RFX8: variants seen among roughly 807,000 people sequenced by gnomAD.
RFX8 encodes the protein regulatory factor X8, also known as DNA-binding protein RFX8.
In RFX8, 46 loss-of-function variants were observed where a neutral mutation model predicts 54.6. The ratio of observed to expected loss-of-function variants is 0.84; its 90% CI spans 0.67 to 1.08. The LOEUF is 1.08. Ranked by LOEUF, RFX8 falls within the 50% of genes least tolerant of loss-of-function variation. RFX8 has a pLI of 0.00. For synonymous variants in RFX8, 192 were observed against 209.5 expected, an observed-to-expected ratio of 0.92 and a Z score of 0.72; for missense variants, 536 against 562.3, an observed-to-expected ratio of 0.95 and a Z score of 0.47.
rs1196328303 is a variant in RFX8 at position 101,469,004 on chromosome 2, G to GTA, written c.-52-2106_-52-2105dup. Among the ~76,000 whole-genome samples, 49 of 25,308 alleles carry GTA rather than the reference G, an allele frequency of 1.9e-3. 1 individual carries two copies. The South Asian group carries it at 0.044, about 23-fold the overall frequency. The allele number at this position is 25,308 out of a possible 152,430, so 16.6% of individuals were successfully genotyped here. A position where few individuals can be genotyped will look rare whatever the true frequency, so the allele number is the denominator to read the frequency against. Reference sequence around the variant, plus strand: ...TATATATATATAAGTATATATATACGTATATATATATAGGTATATATATAT... The same window carrying GTA: ...TATATATATATAAGTATATATATACGTATATATATATATAGGTATATATATAT... On this transcript the variant is annotated intron_variant, in intron 1 of 11. Coordinates refer to ENST00000428343, the MANE Select transcript of RFX8 (RefSeq NM_001145664.2).
rs1403949081 is a variant in RFX8, at chr2:101,417,530, C to A, written c.502+4G>T. The A allele has an allele frequency of 6.5e-7, 1 of 1,544,414 alleles. No individual in the cohort carries two copies. Among genetic ancestry groups the A allele is most frequent in the African/African-American group, 1.4e-5 (1 of 72,522 alleles). On this transcript the variant is annotated splice_donor_region_variant and intron_variant, in intron 6 of 11. Coordinates refer to ENST00000428343, the MANE Select transcript of RFX8 (RefSeq NM_001145664.2). ...CAGAATTTATTTTTTTCATCGAAACCTACCTTTGAGTTTGGAGATCTGCAA... is the reference window on the plus strand; with the variant it reads ...CAGAATTTATTTTTTTCATCGAAACATACCTTTGAGTTTGGAGATCTGCAA...
intron 2 of RFX8, among the ~76,000 whole-genome samples, chr2:101,443,375 A>G (rs1035528868): frequency 6.6e-6 from 1 of 152,194 alleles, no homozygotes; most frequent in Non-Finnish European, 1.5e-5. Flanking sequence ...TTGACTGATC[A>G]TATTTTGAAG....
Position 101,422,387 on chromosome 2 carries a change from T to A in RFX8, c.158A>T (p.Gln53Leu), listed in dbSNP as rs4851436. 1,506,405 of 1,542,156 alleles carry A rather than the reference T, an allele frequency of 0.98. 737,618 individuals are homozygous for A. Among genetic ancestry groups the A allele is most frequent in the Non-Finnish European group, 0.99 (1,132,044 of 1,138,308 alleles). Reference protein sequence around the residue: ...FRRCPFLEQEQAKKYSCNMMA... With the variant: ...FRRCPFLEQELAKKYSCNMMA... ...CATATTACAGGAGTATTTCTTTGCC[T>A]GTTCTTGCTCCAGAAATGGACATCT... The change falls in exon 3 of 12, where the codon CAG (glutamine) becomes CTG (leucine). Residue 53 changes from glutamine (Q) to leucine (L), a missense_variant. Gln to Leu is a moderately radical substitution (Grantham distance 113, BLOSUM62 -2). Transcript: ENST00000428343.
chr2:101,463,921 C>T (rs1689428258), intron 2 of RFX8, among the ~76,000 whole-genome samples: 1 of 152,158 alleles, frequency 6.6e-6, no homozygotes, highest in South Asian at 2.1e-4. Flanking sequence ...TTATCTGGGA[C>T]TGGATACTCT....
chr2:101,439,918 G>C (rs577220490), intron 2 of RFX8, among the ~76,000 whole-genome samples: 1 of 152,054 alleles, frequency 6.6e-6, no homozygotes, highest in African/African-American at 2.4e-5. Context: ...TCCAGTGATC[G>C]GTGTGTCCAT....
intron 2 of RFX8, among the ~76,000 whole-genome samples, chr2:101,433,289 C>T (rs1378124569): frequency 2.0e-5 from 3 of 152,104 alleles, no homozygotes; most frequent in South Asian, 2.1e-4. Context: ...TCCCCCAGGT[C>T]TTACACAATG....
intron 7 of RFX8, 26 bp from the exon 8 acceptor site, chr2:101,413,097 C>T: frequency 1.3e-6 from 2 of 1,537,220 alleles, no homozygotes; most frequent in Non-Finnish European, 1.8e-6. Context: ...AGGCATAATA[C>T]TTAATTCAAT....
intron 11 of RFX8, among the ~76,000 whole-genome samples, chr2:101,400,491 C>A (rs1424961084): frequency 6.6e-6 from 1 of 152,132 alleles, no homozygotes; most frequent in Non-Finnish European, 1.5e-5. Flanking sequence ...CATCCATTGA[C>A]CCCCACCTGG....
At chr2:101,413,373 T>A (rs1686273556) in intron 7 of RFX8, among the ~76,000 whole-genome samples, 1 of 152,076 alleles carries the variant, frequency 6.6e-6, no homozygotes, top group Non-Finnish European at 1.5e-5. Context: ...TAGCGAGGGA[T>A]CCCGGGGATT....
chr2:101,404,661 A>G (rs1005570663), intron 10 of RFX8, among the ~76,000 whole-genome samples: 1 of 151,800 alleles, frequency 6.6e-6, no homozygotes, highest in Non-Finnish European at 1.5e-5. Flanking sequence ...TCCCAGGCTC[A>G]AGAGATCTGT....
At chr2:101,453,535 G>A (rs1688812343) in intron 2 of RFX8, among the ~76,000 whole-genome samples, 1 of 152,026 alleles carries the variant, frequency 6.6e-6, no homozygotes, top group African/African-American at 2.4e-5. Context: ...TGAGCTGAGA[G>A]TGCATCGCAC....
intron 2 of RFX8, among the ~76,000 whole-genome samples, chr2:101,453,654 C>T (rs1368148623): frequency 1.3e-5 from 2 of 152,052 alleles, no homozygotes; most frequent in East Asian, 1.9e-4. Flanking sequence ...TATGTGTAAG[C>T]GTTCTCTGTG....
At position 101,397,686 on chromosome 2, in the gene RFX8, G is replaced by A. The variant is rs769210057; in HGVS notation, c.1284C>T (p.Ser428=). 32 of 1,550,524 alleles carry A rather than the reference G, an allele frequency of 2.1e-5. No individual in the cohort carries two copies. The highest frequency in any genetic ancestry group is 3.9e-5 in the Admixed American group (2 of 50,760). ...CCATAGGAAGGCTGAGTTTAACTGC[G>A]CTTTCAGTGGTTTCATCTTCCAACA... The part of the protein sequence containing the change: ...QVLLEDETTE[S]AVKLSLPMGQ... Residue 428 remains serine (S), a synonymous_variant, in exon 12 of 12, where the codon AGC becomes AGT. Coordinates refer to ENST00000428343, the MANE Select transcript of RFX8 (RefSeq NM_001145664.2).
chr2:101,428,954 A>T, intron 2 of RFX8: 6 of 1,516,244 alleles, frequency 4.0e-6, no homozygotes, highest in Non-Finnish European at 4.4e-6. Context: ...ATTAACACTC[A>T]CTGTTGCTTC....
intron 2 of RFX8, among the ~76,000 whole-genome samples, chr2:101,448,996 T>C (rs991243104): frequency 6.6e-6 from 1 of 152,120 alleles, no homozygotes; most frequent in South Asian, 2.1e-4. Flanking sequence ...GATGGTCCCA[T>C]GGGGCAGGTG....
At position 101,474,122 on chromosome 2, in the gene RFX8, G is replaced by A. The variant is rs796497098; in HGVS notation, c.-53+514C>T. ...CCCGGCTTTGACCCGGCGTCCCGAG[G>A]GCAGCCGTAGCGGGAACCACGCTTC... On this transcript the variant is annotated intron_variant, in intron 1 of 11. Transcript: ENST00000428343. 7.4e-6 allele frequency: 4 copies of A among 540,064 alleles called. No individual in the cohort carries two copies. The African/African-American group carries it at 8.1e-5, about 11-fold the overall frequency. 33.5% of individuals were successfully genotyped at this position (540,064 alleles called of 1,614,324 possible).
At chr2:101,453,267 ACT>A (rs575365940) in intron 2 of RFX8, among the ~76,000 whole-genome samples, 2,557 of 145,656 alleles carry the variant, frequency 0.018, 41 homozygotes, top group Non-Finnish European at 0.026. Flanking sequence ...ACAGAGCAAG[ACT>A]CTGTCTCAAA....
chr2:101,466,681 C>T (rs757541707), intron 2 of RFX8, 96 bp downstream of exon 2: 40 of 892,104 alleles, frequency 4.5e-5, no homozygotes, highest in Non-Finnish European at 6.6e-5. Flanking sequence ...CACTGAAAAT[C>T]CATTAGACTC....
chr2:101,417,693 A>G lies in RFX8; in HGVS notation c.352-9T>C, dbSNP rs772680586. Reference sequence around the variant, plus strand: ...AGAACATCCTCAATTCCCTACAACAAAAGTAACAAGACACTATGATTCTGC... The same window carrying G: ...AGAACATCCTCAATTCCCTACAACAGAAGTAACAAGACACTATGATTCTGC... On this transcript the variant is annotated splice_polypyrimidine_tract_variant and intron_variant, in intron 5 of 11. Coordinates refer to ENST00000428343, the MANE Select transcript of RFX8 (RefSeq NM_001145664.2). The G allele has an allele frequency of 3.9e-6, 6 of 1,543,672 alleles. No homozygotes were observed. In the African/African-American group the frequency reaches 8.3e-5, roughly 21 times the overall value.
Sources: gnomAD v4.1 joint callset for allele counts (sites outside exome capture counted in the v4.1 genomes callset) on GRCh38, gnomAD v4.1.1 for gene constraint, MANE v1.5 for transcripts, NCBI Gene and HGNC (gene_info 2026-07-23, HGNC 2026-07-21) for gene names.